PLEKHH2: variants seen among roughly 807,000 people sequenced by gnomAD.
PLEKHH2 encodes the protein pleckstrin homology domain-containing family H member 2.
PLEKHH2 carries 129 observed loss-of-function variants against 187.9 expected under a neutral mutation model. The observed-to-expected ratio is 0.69, with a 90% CI of 0.59 to 0.79. PLEKHH2 has a LOEUF of 0.79. Among genes scored for constraint, PLEKHH2 ranks in the 30% least tolerant of loss-of-function variants. The pLI is 0.00. For synonymous variants in PLEKHH2, 686 were observed against 605.6 expected, an observed-to-expected ratio of 1.13 and a Z score of -1.95; for missense variants, 2,076 against 1,751.2, an observed-to-expected ratio of 1.19 and a Z score of -3.31.
chr2:43,754,199 C>CA lies in PLEKHH2; in HGVS notation c.3795+440dup, dbSNP rs748378945. ...ACACACACACACACACACACACACA[C>CA]ACACACAAAATTAATACTGACTTAA... On this transcript the variant is annotated intron_variant, in intron 25 of 29. Coordinates refer to ENST00000282406, the MANE Select transcript of PLEKHH2 (RefSeq NM_172069.4). Among the ~76,000 whole-genome samples the CA allele has an allele frequency of 3.6e-3, 412 of 115,564 alleles. 1 individual carries two copies. Among genetic ancestry groups the CA allele is most frequent in the Middle Eastern group, 0.014 (3 of 212 alleles). 75.8% of individuals were successfully genotyped at this position (115,564 alleles called of 152,430 possible).
chr2:43,721,238 T>C (rs1342548031), intron 16 of PLEKHH2, among the ~76,000 whole-genome samples: 1 of 152,184 alleles, frequency 6.6e-6, no homozygotes, highest in Non-Finnish European at 1.5e-5. Context: ...TGAATTATTT[T>C]AAATTTCAGA....
At chr2:43,761,497 G>A (rs556582531) in intron 27 of PLEKHH2, among the ~76,000 whole-genome samples, 5 of 146,780 alleles carry the variant, frequency 3.4e-5, no homozygotes, top group African/African-American at 5.1e-5. Flanking sequence ...TGCAGCCTGC[G>A]CCTCCCAGGT....
intron 2 of PLEKHH2, among the ~76,000 whole-genome samples, chr2:43,666,247 C>G (rs1160075792): frequency 6.6e-6 from 1 of 150,952 alleles, no homozygotes; most frequent in Non-Finnish European, 1.5e-5. Context: ...CCAGGTGCAT[C>G]CGTCACCCCT....
Position 43,700,125 on chromosome 2 carries a change from A to C in PLEKHH2, c.1167A>C (p.Lys389Asn). 1 of 1,614,174 alleles carries C rather than the reference A, an allele frequency of 6.2e-7. No homozygotes were observed. Among genetic ancestry groups the C allele is most frequent in the Non-Finnish European group, 8.5e-7 (1 of 1,180,040 alleles). The change falls in exon 8 of 30, where the codon AAA becomes AAC. Residue 389 changes from lysine to asparagine, a missense_variant. Coordinates refer to ENST00000282406, the MANE Select transcript of PLEKHH2 (RefSeq NM_172069.4). ...QDSSSDELNKKFQSQRLDYSS... is the reference protein window; with the variant it reads ...QDSSSDELNKNFQSQRLDYSS... ...GTTCCTCGGATGAACTGAATAAAAA[A>C]TTTCAATCCCAGAGACTCGATTATT...
At chr2:43,678,342 G>T (rs1219096514) in intron 2 of PLEKHH2, among the ~76,000 whole-genome samples, 1 of 152,194 alleles carries the variant, frequency 6.6e-6, no homozygotes, top group East Asian at 1.9e-4. Flanking sequence ...TCGGCACTTT[G>T]GGCGGCCAAG....
rs1033730350 is a variant in PLEKHH2, at chr2:43,682,514, C to T, written c.186+3589C>T. 5.3e-5 allele frequency among the ~76,000 whole-genome samples: 8 copies of T among 152,090 alleles called. No homozygotes were observed. In the East Asian group the frequency reaches 1.2e-3, roughly 22 times the overall value. Reference sequence around the variant, plus strand: ...GAGAGATGGGGTTTCACCATGTTGGCCAGGCTGGTCTCGAACTCCTGACCT... The same window carrying T: ...GAGAGATGGGGTTTCACCATGTTGGTCAGGCTGGTCTCGAACTCCTGACCT... On this transcript the variant is annotated intron_variant, in intron 3 of 29. Coordinates refer to ENST00000282406, the MANE Select transcript of PLEKHH2 (RefSeq NM_172069.4).
chr2:43,765,009 AC>A (rs1216598486), intron 29 of PLEKHH2, among the ~76,000 whole-genome samples: 12 of 152,240 alleles, frequency 7.9e-5, no homozygotes, highest in African/African-American at 2.9e-4. Context: ...TTAAGCCTAT[AC>A]TTAAGTGAAA....
intron 21 of PLEKHH2, among the ~76,000 whole-genome samples, chr2:43,741,579 C>G (rs892605812): frequency 2.0e-5 from 3 of 152,154 alleles, no homozygotes; most frequent in African/African-American, 7.2e-5. Flanking sequence ...TTTTGTCCAC[C>G]AAGAGGTTTG....
chr2:43,753,778 T>C lies in PLEKHH2; in HGVS notation c.3795+18T>C. The C allele has an allele frequency of 6.6e-7, 1 of 1,513,074 alleles. No individual in the cohort carries two copies. Among genetic ancestry groups the C allele is most frequent in the South Asian group, 1.3e-5 (1 of 74,992 alleles). The allele number at this position is 1,513,074 out of a possible 1,614,324, so 93.7% of individuals were successfully genotyped here. ...TATCTCAGGTAACTTCCATGTTATATGGAGTAATATATTGAAATAATATGA... is the reference window on the plus strand; with the variant it reads ...TATCTCAGGTAACTTCCATGTTATACGGAGTAATATATTGAAATAATATGA... On this transcript the variant is annotated intron_variant, in intron 25 of 29. Transcript: ENST00000282406.
chr2:43,712,760 C>T lies in PLEKHH2; in HGVS notation c.2460+377C>T, dbSNP rs573398834. 9.2e-5 allele frequency among the ~76,000 whole-genome samples: 14 copies of T among 152,154 alleles called. No homozygotes were observed. In the South Asian group the frequency reaches 1.5e-3, roughly 16 times the overall value. On this transcript the variant is annotated intron_variant, in intron 15 of 29. Transcript: ENST00000282406. ...ATTGGGGGAAAAGGAACAAAAGACT[C>T]AATGGGCAGGAAAGAGAGATCATCG...
intron 2 of PLEKHH2, among the ~76,000 whole-genome samples, chr2:43,672,162 G>A (rs1036299306): frequency 6.6e-6 from 1 of 152,110 alleles, no homozygotes; most frequent in African/African-American, 2.4e-5. Context: ...TCCAGTTTAT[G>A]GGCATGAAGT....
chr2:43,726,908 T>C lies in PLEKHH2; in HGVS notation c.2721+457T>C, dbSNP rs1670777764. Among the ~76,000 whole-genome samples the C allele has an allele frequency of 1.3e-5, 2 of 151,110 alleles. 1 individual carries two copies. Among genetic ancestry groups the C allele is most frequent in the East Asian group, 3.8e-4 (2 of 5,198 alleles). ...GTAATATATCATTCAATACATATGA[T>C]TATGTATTTCTTATATATTGAGGAA... On this transcript the variant is annotated intron_variant, in intron 17 of 29. Transcript: ENST00000282406.
intron 24 of PLEKHH2, among the ~76,000 whole-genome samples, chr2:43,748,426 C>T (rs527365569): frequency 3.3e-5 from 5 of 152,274 alleles, no homozygotes; most frequent in African/African-American, 7.2e-5. Context: ...AATATTTGGA[C>T]CTTCTAGATT....
In PLEKHH2 at chr2:43,720,620, G is replaced by A. The variant is rs769913919; in HGVS notation, c.2461-49G>A. 7.5e-6 allele frequency: 12 copies of A among 1,596,660 alleles called. No homozygotes were observed. The African/African-American group carries it at 1.6e-4, about 22-fold the overall frequency. ...TAGGGTGTATAAGCTATAATTTAAG[G>A]TGTCAGAGTTCTGGGCTAAACTTGT... On this transcript the variant is annotated intron_variant, in intron 15 of 29. Transcript: ENST00000282406.
chr2:43,692,253 G>A lies in PLEKHH2; in HGVS notation c.187-261G>A, dbSNP rs148756742. 8.7e-4 allele frequency: 212 copies of A among 244,242 alleles called. 1 individual carries two copies. Among genetic ancestry groups the A allele is most frequent in the African/African-American group, 4.1e-3 (178 of 43,594 alleles). 15.1% of individuals were successfully genotyped at this position (244,242 alleles called of 1,614,324 possible). A position where few individuals can be genotyped will look rare whatever the true frequency, so the allele number is the denominator to read the frequency against. Reference sequence around the variant, plus strand: ...TATAAACACTTTGCATATTGTCATCGCTCTAGGAAACATGTACATTACTTT... The same window carrying A: ...TATAAACACTTTGCATATTGTCATCACTCTAGGAAACATGTACATTACTTT... On this transcript the variant is annotated intron_variant, in intron 3 of 29. Transcript: ENST00000282406.
chr2:43,700,097 A>T lies in PLEKHH2; in HGVS notation c.1139A>T (p.Asp380Val), dbSNP rs1410606922. The change falls in exon 8 of 30, where the codon GAT becomes GTT. Residue 380 changes from aspartate to valine, a missense_variant. Coordinates refer to ENST00000282406, the MANE Select transcript of PLEKHH2 (RefSeq NM_172069.4). Reference protein sequence around the residue: ...GNSELSKKEQDSSSDELNKKF... With the variant: ...GNSELSKKEQVSSSDELNKKF... ...TCTGAATTAAGTAAAAAGGAACAAGATAGTTCCTCGGATGAACTGAATAAA... is the reference window on the plus strand; with the variant it reads ...TCTGAATTAAGTAAAAAGGAACAAGTTAGTTCCTCGGATGAACTGAATAAA... 6.2e-7 allele frequency: 1 copy of T among 1,614,084 alleles called. No homozygotes were observed. Among genetic ancestry groups the T allele is most frequent in the Non-Finnish European group, 8.5e-7 (1 of 1,179,964 alleles).
At chr2:43,717,757 C>G (rs61538998) in intron 15 of PLEKHH2, among the ~76,000 whole-genome samples, 1 of 152,178 alleles carries the variant, frequency 6.6e-6, no homozygotes, top group Non-Finnish European at 1.5e-5. Flanking sequence ...AAGTTACTTA[C>G]AGGCTCTGTG....
intron 16 of PLEKHH2, among the ~76,000 whole-genome samples, chr2:43,722,418 AGGACTGAAGGCAGCTG>A: frequency 6.6e-6 from 1 of 152,172 alleles, no homozygotes; most frequent in Non-Finnish European, 1.5e-5. Flanking sequence ...TTCTGGCCAA[AGGACTGAAGGCAGCTG>A]GTCCTCGAGG....
chr2:43,761,083 A>G (rs1056184219), intron 27 of PLEKHH2, among the ~76,000 whole-genome samples: 1 of 152,136 alleles, frequency 6.6e-6, no homozygotes, highest in Non-Finnish European at 1.5e-5. Context: ...TTTGAATTGA[A>G]TTCTCCCTAT....
Sources: allele counts gnomAD v4.1 joint callset (sites outside exome capture counted in the v4.1 genomes callset), GRCh38; gene constraint gnomAD v4.1.1; transcripts MANE v1.5; gene names NCBI Gene and HGNC (gene_info 2026-07-23, HGNC 2026-07-21).